Variants in SLC30A8 observed in about 807,000 individuals in gnomAD.
SLC30A8 encodes proton-coupled zinc antiporter SLC30A8.
In SLC30A8, 27 loss-of-function variants were observed where a neutral mutation model predicts 36.9. The ratio of observed to expected loss-of-function variants is 0.73; its 90% confidence interval spans 0.54 to 1.01. SLC30A8 has a LOEUF of 1.01. Ranked by LOEUF, SLC30A8 falls within the 50% of genes least tolerant of loss-of-function variation. The pLI is 0.00. For synonymous variants in SLC30A8, 164 were observed against 172.4 expected, an observed-to-expected ratio of 0.95 and a Z score of 0.38; for missense variants, 439 against 452.0, an observed-to-expected ratio of 0.97 and a Z score of 0.26.
intron 1 of SLC30A8, among the ~76,000 whole-genome samples, chr8:117,021,564 A>G (rs761510412): frequency 1.4e-4 from 21 of 152,212 alleles, no homozygotes; most frequent in Admixed American, 6.5e-4. Context: ...GTCTTTTCTC[A>G]GCACATTCAT....
chr8:117,169,960 T>G (rs1263969424), intron 6 of SLC30A8, among the ~76,000 whole-genome samples: 1 of 152,224 alleles, frequency 6.6e-6, no homozygotes, highest in Non-Finnish European at 1.5e-5. Context: ...GATTCTGATT[T>G]AATTGTCTGG....
rs548138100 is a variant in SLC30A8 at position 117,138,663 on chromosome 8, C to T, written c.71+3265C>T. Among the ~76,000 whole-genome samples, 7 of 152,060 alleles carry T rather than the reference C, an allele frequency of 4.6e-5. No homozygotes were observed. The East Asian group carries it at 1.4e-3, about 30-fold the overall frequency. On this transcript the variant is annotated intron_variant, in intron 1 of 7. Coordinates refer to ENST00000456015, the MANE Select transcript of SLC30A8 (RefSeq NM_173851.3). Reference sequence around the variant, plus strand: ...CCTCTCATAGGGTATAATCTCTAGCCCAGGAGCAGCAAGGTCCTGAATATC... The same window carrying T: ...CCTCTCATAGGGTATAATCTCTAGCTCAGGAGCAGCAAGGTCCTGAATATC...
chr8:117,023,323 G>A (rs1816766441), intron 1 of SLC30A8, among the ~76,000 whole-genome samples: 1 of 152,080 alleles, frequency 6.6e-6, no homozygotes, highest in Non-Finnish European at 1.5e-5. Context: ...CGATTCCTCA[G>A]GGATCTAGAA....
At chr8:117,109,333 A>G (rs1029146312) in intron 2 of SLC30A8, among the ~76,000 whole-genome samples, 2 of 152,220 alleles carry the variant, frequency 1.3e-5, no homozygotes, top group Non-Finnish European at 2.9e-5. Flanking sequence ...TCCTCCAGAG[A>G]AAAGTTAAAA....
At chr8:117,077,823 T>C (rs1312106995) in intron 2 of SLC30A8, among the ~76,000 whole-genome samples, 1 of 152,132 alleles carries the variant, frequency 6.6e-6, no homozygotes, top group East Asian at 1.9e-4. Flanking sequence ...CTAGAGCGAG[T>C]CAAAGAAGAC....
At chr8:116,966,071 A>T (rs2130605075) in intron 1 of SLC30A8, among the ~76,000 whole-genome samples, 1 of 152,074 alleles carries the variant, frequency 6.6e-6, no homozygotes. Context: ...TTTAGTAGAG[A>T]CAGGGTTTCA....
chr8:117,045,470 A>C (rs1452730089), intron 2 of SLC30A8, among the ~76,000 whole-genome samples: 3 of 152,226 alleles, frequency 2.0e-5, no homozygotes, highest in African/African-American at 7.2e-5. Context: ...CTGAGAAATG[A>C]CAAACACAGC....
chr8:117,102,310 CTT>C lies in SLC30A8; in HGVS notation c.-225-32967_-225-32966del, dbSNP rs1819760156. On this transcript the variant is annotated intron_variant, in intron 2 of 10. Coordinates refer to the SLC30A8 transcript ENST00000427715. ...ACCTATTTCATGCTCTAAGAGATGTCTTTTAAATTAAATGAATGAGTTGCCTA... is the reference window on the plus strand; with the variant it reads ...ACCTATTTCATGCTCTAAGAGATGTCTTAAATTAAATGAATGAGTTGCCTA... Among the ~76,000 whole-genome samples the C allele has an allele frequency of 2.0e-5, 3 of 152,240 alleles. No homozygotes were observed. The South Asian group carries it at 6.2e-4, about 32-fold the overall frequency.
chr8:117,084,302 A>G (rs1426808616), intron 2 of SLC30A8, among the ~76,000 whole-genome samples: 1 of 152,108 alleles, frequency 6.6e-6, no homozygotes, highest in African/African-American at 2.4e-5. Context: ...CCATGAAGAG[A>G]CGACTGGTAC....
intron 2 of SLC30A8, among the ~76,000 whole-genome samples, chr8:117,076,633 A>G (rs1040324083): frequency 1.4e-4 from 21 of 152,154 alleles, no homozygotes; most frequent in Admixed American, 2.0e-4. Flanking sequence ...AGACACACCT[A>G]TTCCAGTTTT....
chr8:116,971,101 C>T (rs1255429656), intron 1 of SLC30A8, among the ~76,000 whole-genome samples: 1 of 151,794 alleles, frequency 6.6e-6, no homozygotes, highest in Non-Finnish European at 1.5e-5. Flanking sequence ...CTCACAATAA[C>T]AACAACAACA....
At chr8:117,090,001 C>G (rs1303307787) in intron 2 of SLC30A8, among the ~76,000 whole-genome samples, 1 of 151,922 alleles carries the variant, frequency 6.6e-6, no homozygotes, top group Non-Finnish European at 1.5e-5. Flanking sequence ...TAGACACATT[C>G]TCACTCTGTT....
At chr8:116,971,619 T>C (rs1814800853) in intron 1 of SLC30A8, among the ~76,000 whole-genome samples, 1 of 152,148 alleles carries the variant, frequency 6.6e-6, no homozygotes, top group Non-Finnish European at 1.5e-5. Context: ...TCTTTTCCTC[T>C]GTGTTTTCAA....
intron 1 of SLC30A8, among the ~76,000 whole-genome samples, chr8:116,959,040 T>G (rs1814320779): frequency 1.3e-5 from 2 of 151,588 alleles, no homozygotes; most frequent in Non-Finnish European, 2.9e-5. Context: ...TAGTAGAGAC[T>G]GGGTTTCACC....
At chr8:116,985,600 C>T (rs984312110) in intron 1 of SLC30A8, among the ~76,000 whole-genome samples, 3 of 152,080 alleles carry the variant, frequency 2.0e-5, no homozygotes, top group Non-Finnish European at 2.9e-5. Flanking sequence ...TATGATTTTA[C>T]AATTATTAAA....
intron 1 of SLC30A8, among the ~76,000 whole-genome samples, chr8:117,023,597 C>T (rs1395560637): frequency 6.6e-6 from 1 of 151,986 alleles, no homozygotes; most frequent in Non-Finnish European, 1.5e-5. Flanking sequence ...TGGAAACCAT[C>T]ATTCTCAGCA....
intron 2 of SLC30A8, among the ~76,000 whole-genome samples, chr8:117,084,386 A>T (rs902045071): frequency 2.0e-5 from 3 of 152,312 alleles, no homozygotes; most frequent in Non-Finnish European, 2.9e-5. Flanking sequence ...CATGTGGGAC[A>T]TTATGACTTT....
intron 2 of SLC30A8, among the ~76,000 whole-genome samples, chr8:117,095,550 C>T (rs1247996929): frequency 6.6e-6 from 1 of 152,090 alleles, no homozygotes; most frequent in Non-Finnish European, 1.5e-5. Flanking sequence ...TTCTGCTTTG[C>T]TCATCTCCCA....
chr8:117,044,290 T>C (rs1244777497), intron 2 of SLC30A8, among the ~76,000 whole-genome samples: 1 of 152,190 alleles, frequency 6.6e-6, no homozygotes, highest in Non-Finnish European at 1.5e-5. Context: ...AGTAAATCGG[T>C]AACATTGTTT....
Sources: gnomAD v4.1 joint callset for allele counts (sites outside exome capture counted in the v4.1 genomes callset) on GRCh38, gnomAD v4.1.1 for gene constraint, MANE v1.5 for transcripts, NCBI Gene and HGNC (gene_info 2026-07-23, HGNC 2026-07-21) for gene names.